Variants in ABCC8 observed in about 807,000 individuals in gnomAD.
ABCC8 encodes the protein ATP binding cassette subfamily C member 8, also known as ATP-binding cassette sub-family C member 8.
Under a neutral mutation model 188.0 loss-of-function variants are expected in ABCC8, and 137 were observed. The observed-to-expected ratio is 0.73, with a 90% CI of 0.63 to 0.84. The LOEUF (loss-of-function observed/expected upper bound fraction) is 0.84. ABCC8 is among the 40% of genes least tolerant of loss of function. ABCC8 has a pLI of 0.00. For synonymous variants in ABCC8, 797 were observed against 846.5 expected, an observed-to-expected ratio of 0.94 and a Z score of 1.01; for missense variants, 1,750 against 2,072.7, an observed-to-expected ratio of 0.84 and a Z score of 3.02.
rs61495505 is a variant in ABCC8 at position 17,433,367 on chromosome 11, T to G, written c.1631-1123A>C. Among the ~76,000 whole-genome samples, 5 of 152,372 alleles carry G rather than the reference T, an allele frequency of 3.3e-5. No homozygotes were observed. The East Asian group carries it at 9.6e-4, about 29-fold the overall frequency. ...AAGCCAGAGGCCAGGGCTCTGCCTG[T>G]GCACATGGCCCCTGTCTAATGAATG... is the stretch of plus-strand genomic sequence containing the variant. On this transcript the variant is annotated intron_variant, in intron 10 of 38. Coordinates refer to ENST00000389817, the MANE Select transcript of ABCC8 (RefSeq NM_000352.6).
At chr11:17,428,459 G>A in intron 13 of ABCC8, 54 bp from the exon 14 acceptor site, 1 of 1,604,152 alleles carries the variant, frequency 6.2e-7, no homozygotes, top group South Asian at 1.1e-5. Context: ...TGTAGGGAAG[G>A]GAGCCCCTCT....
intron 7 of ABCC8, among the ~76,000 whole-genome samples, chr11:17,450,299 TTTCTTTC>T (rs1386785255): frequency 7.1e-6 from 1 of 140,062 alleles, no homozygotes; most frequent in Non-Finnish European, 1.5e-5. Flanking sequence ...TCTTTCTTTC[TTTCTTTC>T]TTTCTTTCTT....
chr11:17,428,733 G>T, intron 12 of ABCC8, 63 bp from the exon 13 acceptor site: 1 of 1,598,794 alleles, frequency 6.3e-7, no homozygotes, highest in Non-Finnish European at 8.5e-7. Flanking sequence ...GGGAGAGGGC[G>T]CAGCCTGATA....
chr11:17,407,104 ATCC>A lies in ABCC8; in HGVS notation c.2943_2945del (p.Glu981del). ...GGTGCAGCATGGACGACAGGTTGTCATCCTCCTCGCTCTCAGCTGCCTCCTCTG... is the reference window on the plus strand; with the variant it reads ...GGTGCAGCATGGACGACAGGTTGTCATCCTCGCTCTCAGCTGCCTCCTCTG... On this transcript the variant is annotated inframe_deletion, in exon 25 of 39. Transcript: ENST00000389817. 2 of 1,613,216 alleles carry A rather than the reference ATCC, an allele frequency of 1.2e-6. No individual in the cohort carries two copies. The highest frequency in any genetic ancestry group is 1.7e-6 in the Non-Finnish European group (2 of 1,179,992).
chr11:17,460,566 C>G lies in ABCC8; in HGVS notation c.933G>C (p.Leu311=), dbSNP rs776498313. ...TGCACAGTGGCCCGGCGAAGCCCAGCAGGTCGGCCAAGATGCGGAAAGTGC... is the reference window on the plus strand; with the variant it reads ...TGCACAGTGGCCCGGCGAAGCCCAGGAGGTCGGCCAAGATGCGGAAAGTGC... ...LSSTFRILAD[L]LGFAGPLCIF... Residue 311 remains leucine (L), a synonymous_variant, in exon 6 of 39, where the codon CTG becomes CTC. Coordinates refer to ENST00000389817, the MANE Select transcript of ABCC8 (RefSeq NM_000352.6). 12 of 1,613,824 alleles carry G rather than the reference C, an allele frequency of 7.4e-6. No homozygotes were observed. Among genetic ancestry groups the G allele is most frequent in the Non-Finnish European group, 8.5e-6 (10 of 1,180,048 alleles).
chr11:17,437,010 G>C (rs537461949), intron 10 of ABCC8, among the ~76,000 whole-genome samples: 2 of 134,314 alleles, frequency 1.5e-5, no homozygotes, highest in East Asian at 5.0e-4. Flanking sequence ...AGAATCGCTT[G>C]AACCCAGGAG....
intron 22 of ABCC8, among the ~76,000 whole-genome samples, chr11:17,409,116 C>T (rs912760713): frequency 8.9e-6 from 1 of 112,538 alleles, no homozygotes; most frequent in East Asian, 3.0e-4. Context: ...CCATACCTGG[C>T]TAATTTTTTT....
chr11:17,474,043 T>A (rs1033068720), intron 2 of ABCC8, among the ~76,000 whole-genome samples: 2 of 152,112 alleles, frequency 1.3e-5, no homozygotes, highest in African/African-American at 4.8e-5. Context: ...CACCACCAGT[T>A]CTCTCTCTCC....
chr11:17,428,007 C>G (rs1394011736), intron 14 of ABCC8, 65 bp from the exon 15 acceptor site: 35 of 1,591,964 alleles, frequency 2.2e-5, no homozygotes, highest in Non-Finnish European at 2.9e-5. Context: ...AGTGAATAGT[C>G]TCTGGCTTCC....
intron 33 of ABCC8, chr11:17,396,631 A>T: frequency 2.1e-6 from 1 of 470,800 alleles, no homozygotes; most frequent in South Asian, 2.2e-5. Context: ...ATTCGCAGAG[A>T]GGGAGGCCCT....
intron 10 of ABCC8, among the ~76,000 whole-genome samples, chr11:17,434,063 C>G (rs1955970504): frequency 6.6e-6 from 1 of 152,196 alleles, no homozygotes; most frequent in Admixed American, 6.5e-5. Context: ...CCCATCAGAC[C>G]TAGGACCTTG....
intron 7 of ABCC8, among the ~76,000 whole-genome samples, chr11:17,448,963 G>A (rs1376522246): frequency 6.6e-6 from 1 of 152,128 alleles, no homozygotes; most frequent in Non-Finnish European, 1.5e-5. Flanking sequence ...GTCTCGCTCT[G>A]CTTCCCAGGC....
At chr11:17,458,351 A>C (rs1564971571) in intron 6 of ABCC8, among the ~76,000 whole-genome samples, 1 of 152,266 alleles carries the variant, frequency 6.6e-6, no homozygotes, top group East Asian at 1.9e-4. Context: ...AGAGAAAAAA[A>C]CGGCAATGAT....
chr11:17,428,082 G>A, intron 14 of ABCC8, 140 bp from the exon 15 acceptor site: 1 of 1,586,184 alleles, frequency 6.3e-7, no homozygotes, highest in South Asian at 1.1e-5. Flanking sequence ...GCAGGGGAGT[G>A]GGAGACTGGC....
intron 33 of ABCC8, chr11:17,396,216 G>C (rs1308141326): frequency 1.8e-6 from 1 of 570,064 alleles, no homozygotes; most frequent in Non-Finnish European, 3.0e-6. Flanking sequence ...AAGGAGAGCT[G>C]GGGGGCAGTG....
In ABCC8 at chr11:17,426,987, A is replaced by C. The variant is rs1955606835; in HGVS notation, c.2222+62T>G. The C allele has an allele frequency of 1.1e-5, 18 of 1,579,064 alleles. No individual in the cohort carries two copies. In the South Asian group the frequency reaches 2.0e-4, roughly 18 times the overall value. On this transcript the variant is annotated intron_variant, in intron 16 of 38. Transcript: ENST00000389817. The stretch of plus-strand genomic sequence containing the variant: ...TCCAATAAATGTGTGTGCATCCTCA[A>C]CTGAGGAGGATGGTTAAAAGGAGAT...
rs797045211 is a variant in ABCC8, at chr11:17,396,915, C to T, written c.4119+1G>A. On this transcript the variant is annotated splice_donor_variant, in intron 33 of 38. Transcript: ENST00000389817. LOFTEE classifies it high-confidence loss of function. ...GCATTGGGTTGGGCCCGTGCTCTGACCTTCTGTCCAGGGGCGATGAGGGCA... is the reference window on the plus strand; with the variant it reads ...GCATTGGGTTGGGCCCGTGCTCTGATCTTCTGTCCAGGGGCGATGAGGGCA... 5.6e-6 allele frequency: 9 copies of T among 1,613,976 alleles called. No individual in the cohort carries two copies. The highest frequency in any genetic ancestry group is 7.6e-6 in the Non-Finnish European group (9 of 1,179,980).
chr11:17,476,643 G>A lies in ABCC8; in HGVS notation c.134C>T (p.Pro45Leu), dbSNP rs267606623. 1.9e-6 allele frequency: 3 copies of A among 1,612,246 alleles called. No individual in the cohort carries two copies. Among genetic ancestry groups the A allele is most frequent in the Non-Finnish European group, 2.5e-6 (3 of 1,179,270 alleles). ...PHVFLLFITF[P>L]ILFIGWGSQS... ...CGCGCACTCACCAATGAAGAGGATG[G>A]GGAAGGTGATGAAGAGTAGGAAGAC... The change falls in exon 1 of 39, where the codon CCC (proline) becomes CTC (leucine). Residue 45 changes from proline to leucine, a missense_variant. Pro to Leu is a moderately conservative substitution (Grantham distance 98). Transcript: ENST00000389817.
At chr11:17,445,426 A>G (rs988171262) in intron 8 of ABCC8, among the ~76,000 whole-genome samples, 1 of 152,234 alleles carries the variant, frequency 6.6e-6, no homozygotes, top group African/African-American at 2.4e-5. Context: ...AATATAGGAC[A>G]CTAAAACCCA....
Sources: gnomAD v4.1 joint callset for allele counts (sites outside exome capture counted in the v4.1 genomes callset) on GRCh38, gnomAD v4.1.1 for gene constraint, MANE v1.5 for transcripts, NCBI Gene and HGNC (gene_info 2026-07-23, HGNC 2026-07-21) for gene names.